The following TMOD3 variants were observed in gnomAD, a reference collection of about 807,000 sequenced individuals.
TMOD3 encodes the protein tropomodulin 3.
Under a neutral mutation model 39.2 loss-of-function variants are expected in TMOD3, and 20 were observed. The ratio of observed to expected loss-of-function variants is 0.51; its 90% confidence interval spans 0.36 to 0.74. TMOD3 has a LOEUF of 0.74. Among genes scored for constraint, TMOD3 ranks in the 30% least tolerant of loss-of-function variants. The pLI, the probability that TMOD3 is intolerant of heterozygous loss-of-function variation, is 0.00. For missense variants in TMOD3, 381 were observed against 412.8 expected, an observed-to-expected ratio of 0.92 and a Z score of 0.67; for synonymous variants, 143 against 145.8, an observed-to-expected ratio of 0.98 and a Z score of 0.14.
chr15:51,905,977 A>AAAAG (rs2056678422), intron 9 of TMOD3, among the ~76,000 whole-genome samples: 3 of 140,524 alleles, frequency 2.1e-5, no homozygotes, highest in African/African-American at 5.3e-5. Flanking sequence ...AAAAAAAAAA[A>AAAAG]AAAGAAATTG....
chr15:51,853,510 T>G (rs1011158799), intron 1 of TMOD3, among the ~76,000 whole-genome samples: 11 of 152,188 alleles, frequency 7.2e-5, no homozygotes, highest in Non-Finnish European at 8.8e-5. Context: ...CTTTCTTTAG[T>G]TATGGTACTG....
chr15:51,839,233 G>A (rs747452650), intron 1 of TMOD3, among the ~76,000 whole-genome samples: 9 of 147,052 alleles, frequency 6.1e-5, no homozygotes, highest in Non-Finnish European at 1.2e-4. Flanking sequence ...GTGCAGGTGT[G>A]ATCATAGGTC....
intron 7 of TMOD3, among the ~76,000 whole-genome samples, chr15:51,898,679 C>G (rs1225510174): frequency 6.6e-6 from 1 of 152,226 alleles, no homozygotes; most frequent in Non-Finnish European, 1.5e-5. Context: ...TTTAGTATCT[C>G]TACGCCCTAT....
In TMOD3 at chr15:51,885,593, A is replaced by G. The variant is rs566187986; in HGVS notation, c.284-1996A>G. On this transcript the variant is annotated intron_variant, in intron 3 of 9. Coordinates refer to ENST00000308580, the MANE Select transcript of TMOD3 (RefSeq NM_014547.5). ...GTGGACACAGCACATGTTTCAGAGA[A>G]CACGGGGTTGGGGGCAAGGCTATAG... 6.6e-5 allele frequency among the ~76,000 whole-genome samples: 10 copies of G among 152,242 alleles called. No homozygotes were observed. In the East Asian group the frequency reaches 1.5e-3, roughly 23 times the overall value.
chr15:51,839,500 T>C (rs1413021551), intron 1 of TMOD3, among the ~76,000 whole-genome samples: 2 of 152,130 alleles, frequency 1.3e-5, no homozygotes, highest in Non-Finnish European at 2.9e-5. Flanking sequence ...TTTATTCCTA[T>C]GACTTGCCAT....
intron 3 of TMOD3, 156 bp from the exon 4 acceptor site, chr15:51,887,433 T>A: frequency 1.3e-6 from 1 of 798,146 alleles, no homozygotes. Flanking sequence ...AATATTACGC[T>A]GGAAACTTAA....
chr15:51,906,753 G>C (rs1202950381), intron 9 of TMOD3, among the ~76,000 whole-genome samples: 1 of 152,178 alleles, frequency 6.6e-6, no homozygotes, highest in African/African-American at 2.4e-5. Context: ...GGGCGCAGTG[G>C]CTCACGCCTG....
chr15:51,879,886 A>ACACACACG (rs977815216), intron 3 of TMOD3, among the ~76,000 whole-genome samples: 90 of 151,708 alleles, frequency 5.9e-4, no homozygotes, highest in Middle Eastern at 3.4e-3. Context: ...ACACACACAC[A>ACACACACG]CACGAAGAAG....
intron 2 of TMOD3, among the ~76,000 whole-genome samples, chr15:51,865,956 C>G (rs1188182507): frequency 6.6e-6 from 1 of 151,708 alleles, no homozygotes; most frequent in Admixed American, 6.6e-5. Flanking sequence ...CTTTTTTTCC[C>G]CCCCAAGGCT....
chr15:51,892,812 A>G (rs2056600524), intron 5 of TMOD3, among the ~76,000 whole-genome samples: 1 of 152,182 alleles, frequency 6.6e-6, no homozygotes, highest in African/African-American at 2.4e-5. Context: ...CTATTATTTT[A>G]TCTTAAATTT....
At chr15:51,879,856 T>TCACACACACACACACACACACA (rs68117829) in intron 3 of TMOD3, among the ~76,000 whole-genome samples, 24 of 142,658 alleles carry the variant, frequency 1.7e-4, no homozygotes, top group East Asian at 6.2e-4. Flanking sequence ...TCTCTGTCTT[T>TCACACACACACACACACACACA]CACACACACA....
chr15:51,844,501 T>C (rs1024677159), intron 1 of TMOD3, among the ~76,000 whole-genome samples: 40 of 152,224 alleles, frequency 2.6e-4, no homozygotes, highest in African/African-American at 9.2e-4. Context: ...TTCTGAAGTC[T>C]TTTTTCTAAT....
chr15:51,897,321 C>G (rs2056625888), intron 7 of TMOD3, among the ~76,000 whole-genome samples: 1 of 151,942 alleles, frequency 6.6e-6, no homozygotes, highest in Non-Finnish European at 1.5e-5. Context: ...GTATTCATGT[C>G]CAGCTACCTC....
intron 1 of TMOD3, among the ~76,000 whole-genome samples, chr15:51,856,579 A>G (rs918602499): frequency 6.7e-6 from 1 of 150,162 alleles, no homozygotes; most frequent in African/African-American, 2.5e-5. Context: ...TTTGTTACAT[A>G]TAACCAACAA....
chr15:51,838,493 C>T (rs190129458), intron 1 of TMOD3, among the ~76,000 whole-genome samples: 3 of 152,124 alleles, frequency 2.0e-5, no homozygotes, highest in East Asian at 3.9e-4. Context: ...TGCTGAGGTC[C>T]GTGAAATGAC....
chr15:51,876,561 A>T (rs1345069582), intron 3 of TMOD3, among the ~76,000 whole-genome samples: 3 of 150,212 alleles, frequency 2.0e-5, no homozygotes, highest in African/African-American at 4.9e-5. Flanking sequence ...CCCTGGGTTC[A>T]TGCCATTCTC....
chr15:51,888,620 C>T (rs966135609), intron 4 of TMOD3, among the ~76,000 whole-genome samples: 1 of 152,194 alleles, frequency 6.6e-6, no homozygotes, highest in Non-Finnish European at 1.5e-5. Flanking sequence ...CTCTTAACTA[C>T]AGTCCAAGTG....
intron 2 of TMOD3, among the ~76,000 whole-genome samples, chr15:51,868,171 TGAA>T (rs1486555525): frequency 1.1e-4 from 16 of 152,326 alleles, no homozygotes; most frequent in Middle Eastern, 3.4e-3. Context: ...GTTGTAATCA[TGAA>T]GAAGTCTGTA....
chr15:51,900,090 C>A, intron 7 of TMOD3, 65 bp from the exon 8 acceptor site: 1 of 1,451,302 alleles, frequency 6.9e-7, no homozygotes, highest in Non-Finnish European at 9.5e-7. Flanking sequence ...TTATTTATGG[C>A]ATGTACAATA....
Sources: gnomAD v4.1 joint callset for allele counts (sites outside exome capture counted in the v4.1 genomes callset) on GRCh38, gnomAD v4.1.1 for gene constraint, MANE v1.5 for transcripts, NCBI Gene and HGNC (gene_info 2026-07-23, HGNC 2026-07-21) for gene names.